IQSEC1: variants seen among roughly 807,000 people sequenced by gnomAD.
IQSEC1 encodes the protein IQ motif and SEC7 domain-containing protein 1.
IQSEC1 carries 31 observed loss-of-function variants against 91.0 expected under a neutral mutation model. The observed-to-expected ratio is 0.34, with a 90% CI of 0.26 to 0.46. The LOEUF (loss-of-function observed/expected upper bound fraction) is 0.46, where lower values mean the gene tolerates loss of function less well. Ranked by LOEUF, IQSEC1 falls within the 20% of genes least tolerant of loss-of-function variation. The pLI, the probability that IQSEC1 is intolerant of heterozygous loss-of-function variation, is 1.00. For synonymous variants in IQSEC1, 699 were observed against 662.6 expected (o/e 1.05, Z -0.84); for missense variants, 1,388 against 1,575.6 (o/e 0.88, Z 2.02).
At position 12,908,033 on chromosome 3, in the gene IQSEC1, G is replaced by T. The variant is rs180724871; in HGVS notation, c.2755+316C>A. On this transcript the variant is annotated intron_variant, in intron 12 of 13. Coordinates refer to ENST00000613206, the MANE Select transcript of IQSEC1 (RefSeq NM_001134382.3). The surrounding 1 kb of genome is among the most constrained non-coding windows in gnomAD (Gnocchi z 4.9). ...ACGGGACACAGCCGCCGGCTCACTC[G>T]GGCTAGAGCGACTTCCCAGATCAAT... Among the ~76,000 whole-genome samples the T allele has an allele frequency of 6.6e-6, 1 of 152,186 alleles. No individual in the cohort carries two copies. The highest frequency in any genetic ancestry group is 1.5e-5 in the Non-Finnish European group (1 of 68,028).
intron 9 of IQSEC1, among the ~76,000 whole-genome samples, chr3:12,912,725 C>T (rs991006553): frequency 2.6e-5 from 4 of 151,860 alleles, no homozygotes; most frequent in African/African-American, 7.3e-5. Context: ...CAAGAAAGCC[C>T]GTGGCATGCA....
rs1054558733 is a variant in IQSEC1, at chr3:12,992,022, C to T, written c.24-50157G>A. On this transcript the variant is annotated intron_variant, in intron 1 of 13. Coordinates refer to ENST00000613206, the MANE Select transcript of IQSEC1 (RefSeq NM_001134382.3). The surrounding 1 kb of genome is among the most constrained non-coding windows in gnomAD (Gnocchi z 4.1). ...TTTGCAAACCGTGCAGGAGACAGTC[C>T]CCTGCAGAGGTGAGCACAGGCCCCC... 6.6e-6 allele frequency among the ~76,000 whole-genome samples: 1 copy of T among 152,116 alleles called. No homozygotes were observed. The highest frequency in any genetic ancestry group is 6.5e-5 in the Admixed American group (1 of 15,278).
chr3:12,938,410 G>A (rs1204905401), intron 2 of IQSEC1, among the ~76,000 whole-genome samples: 1 of 151,986 alleles, frequency 6.6e-6, no homozygotes, highest in Non-Finnish European at 1.5e-5. Context: ...GGCCTTGCAT[G>A]CCCATGCGTG....
intron 1 of IQSEC1, among the ~76,000 whole-genome samples, chr3:13,030,800 G>A (rs1464682834): frequency 2.0e-5 from 3 of 152,234 alleles, no homozygotes; most frequent in Non-Finnish European, 2.9e-5. Context: ...AAACAGCATG[G>A]AGTGGGTGGA....
At chr3:13,264,965 C>CTGT (rs1559289432) in intron 1 of IQSEC1, among the ~76,000 whole-genome samples, 1 of 151,790 alleles carries the variant, frequency 6.6e-6, no homozygotes, top group Admixed American at 6.6e-5. Context: ...TGTCTGTCTG[C>CTGT]CTCTCTTTCT....
rs1301942718 is a variant in IQSEC1 at position 13,154,458 on chromosome 3, T to C, written c.302+9646A>G. On this transcript the variant is annotated intron_variant, in intron 2 of 15. Coordinates refer to the IQSEC1 transcript ENST00000648114. ...ACATGCATATATATATATATATATA[T>C]ATATATATATATATATATGCAAAAA... is the stretch of plus-strand genomic sequence containing the variant. Among the ~76,000 whole-genome samples the C allele has an allele frequency of 2.4e-4, 13 of 53,388 alleles. 4 individuals carry two copies. The highest frequency in any genetic ancestry group is 2.7e-3 in the East Asian group (2 of 740). 35.0% of individuals were successfully genotyped at this position (53,388 alleles called of 152,430 possible). A position where few individuals can be genotyped will look rare whatever the true frequency, so the allele number is the denominator to read the frequency against.
intron 1 of IQSEC1, among the ~76,000 whole-genome samples, chr3:13,275,774 G>A (rs1266025282): frequency 6.6e-6 from 1 of 152,204 alleles, no homozygotes. Context: ...GAGGCAGTGG[G>A]GGAGCGGCCC....
intron 1 of IQSEC1, among the ~76,000 whole-genome samples, chr3:13,252,814 G>A (rs1695220065): frequency 6.6e-6 from 1 of 152,010 alleles, no homozygotes; most frequent in Non-Finnish European, 1.5e-5. Flanking sequence ...CTCACTGCCA[G>A]CTCCGCTTCC....
At chr3:13,234,887 G>A (rs1406074862) in intron 1 of IQSEC1, among the ~76,000 whole-genome samples, 10 of 152,178 alleles carry the variant, frequency 6.6e-5, no homozygotes, top group Admixed American at 6.5e-4. Flanking sequence ...CTCCCTGACT[G>A]TACACACAGT....
At chr3:13,021,739 G>T (rs1204810342) in intron 1 of IQSEC1, among the ~76,000 whole-genome samples, 1 of 152,236 alleles carries the variant, frequency 6.6e-6, no homozygotes, top group African/African-American at 2.4e-5. Context: ...CAGGGCCAGG[G>T]TCACACAGCT....
chr3:13,055,368 C>T (rs1422745749), intron 1 of IQSEC1, among the ~76,000 whole-genome samples: 1 of 152,216 alleles, frequency 6.6e-6, no homozygotes, highest in Admixed American at 6.5e-5. Context: ...TGGTTATTAA[C>T]TCTGGCAGGG....
At chr3:13,059,231 G>A (rs989001649) in intron 1 of IQSEC1, among the ~76,000 whole-genome samples, 8 of 152,112 alleles carry the variant, frequency 5.3e-5, no homozygotes, top group Non-Finnish European at 1.2e-4. Context: ...GGCCCATCTC[G>A]GCAATGGCGC....
intron 1 of IQSEC1, among the ~76,000 whole-genome samples, chr3:13,245,223 C>A (rs56983942): frequency 6.6e-6 from 1 of 152,026 alleles, no homozygotes; most frequent in African/African-American, 2.4e-5. Flanking sequence ...CACGAAGCCA[C>A]GGTGAGAAGA....
chr3:13,116,986 G>C (rs1242062453), intron 2 of IQSEC1, among the ~76,000 whole-genome samples: 1 of 151,768 alleles, frequency 6.6e-6, no homozygotes, highest in Non-Finnish European at 1.5e-5. Context: ...GATAAATTGG[G>C]CTTCATCAAA....
At chr3:13,245,697 G>A (rs1293152400) in intron 1 of IQSEC1, among the ~76,000 whole-genome samples, 1 of 151,714 alleles carries the variant, frequency 6.6e-6, no homozygotes, top group Non-Finnish European at 1.5e-5. Context: ...AACCCAGGAG[G>A]TGGAGGTTGC....
At chr3:12,975,846 T>G (rs760168259) in intron 1 of IQSEC1, among the ~76,000 whole-genome samples, 1 of 152,238 alleles carries the variant, frequency 6.6e-6, no homozygotes, top group Non-Finnish European at 1.5e-5. Context: ...CTTACAACAC[T>G]ATTCCATCTG....
At chr3:13,131,607 C>T (rs774109216) in intron 2 of IQSEC1, among the ~76,000 whole-genome samples, 9 of 151,780 alleles carry the variant, frequency 5.9e-5, no homozygotes, top group Non-Finnish European at 1.2e-4. Context: ...GTGCCTCAGC[C>T]TCCCAAGTAG....
chr3:13,120,950 C>T (rs764205977), intron 2 of IQSEC1, among the ~76,000 whole-genome samples: 14 of 152,200 alleles, frequency 9.2e-5, no homozygotes, highest in Non-Finnish European at 1.3e-4. Context: ...GATTCAATGG[C>T]GTTTACACAT....
intron 2 of IQSEC1, among the ~76,000 whole-genome samples, chr3:13,159,369 C>A (rs950483253): frequency 2.0e-5 from 3 of 152,150 alleles, no homozygotes; most frequent in Non-Finnish European, 4.4e-5. Context: ...GTGAAGGTTA[C>A]AGTGAGCCGA....
Sources: gnomAD v4.1 joint callset for allele counts (sites outside exome capture counted in the v4.1 genomes callset) on GRCh38, gnomAD v4.1.1 for gene constraint, Gnocchi (gnomAD v3.1) non-coding constraint, MANE v1.5 for transcripts, NCBI Gene and HGNC (gene_info 2026-07-23, HGNC 2026-07-21) for gene names.